IQCK: variants seen among roughly 807,000 people sequenced by gnomAD.
IQCK encodes IQ domain-containing protein K.
A neutral mutation model predicts 28.1 loss-of-function variants in IQCK; 29 were observed. The observed-to-expected ratio is 1.03, with a 90% confidence interval of 0.77 to 1.41. IQCK has a LOEUF of 1.41. Among genes scored for constraint, IQCK ranks in the 40% most tolerant of loss-of-function variants. IQCK has a pLI of 0.00. For synonymous variants in IQCK, 113 were observed against 115.1 expected (o/e 0.98, Z 0.12); for missense variants, 359 against 314.7 (o/e 1.14, Z -1.07).
downstream of IQCK, among the ~76,000 whole-genome samples, chr16:19,831,183 A>G (rs2056228780): frequency 6.6e-6 from 1 of 152,204 alleles, no homozygotes; most frequent in African/African-American, 2.4e-5. Flanking sequence ...ATCCTGGAGG[A>G]CAGATGCAGA....
chr16:19,796,363 G>GA (rs1291778410), intron 7 of IQCK, among the ~76,000 whole-genome samples: 6 of 97,864 alleles, frequency 6.1e-5, no homozygotes, highest in Admixed American at 9.1e-5. Flanking sequence ...TATTTGTAGT[G>GA]AACCATTCTT....
chr16:19,814,993 C>T (rs2055966380), intron 7 of IQCK, among the ~76,000 whole-genome samples: 1 of 152,034 alleles, frequency 6.6e-6, no homozygotes, highest in African/African-American at 2.4e-5. Flanking sequence ...CACTAAAATG[C>T]CTAGGCTGGT....
chr16:19,852,557 A>G (rs1192878852), intron 9 of IQCK, among the ~76,000 whole-genome samples: 1 of 151,142 alleles, frequency 6.6e-6, no homozygotes, highest in African/African-American at 2.4e-5. Flanking sequence ...CTCAGCATTT[A>G]GATTTGCTAT....
chr16:19,727,435 A>C (rs6497397), intron 1 of IQCK, among the ~76,000 whole-genome samples: 8,001 of 152,030 alleles, frequency 0.053, 672 homozygotes, highest in African/African-American at 0.18. Flanking sequence ...AAAATACAAA[A>C]AATTTGTCTG....
chr16:19,831,410 T>C (rs953801559), downstream of IQCK, among the ~76,000 whole-genome samples: 1 of 152,204 alleles, frequency 6.6e-6, no homozygotes, highest in African/African-American at 2.4e-5. Context: ...TCCCTTTAAC[T>C]GTCGCCGAGT....
intron 4 of IQCK, among the ~76,000 whole-genome samples, chr16:19,754,366 A>G (rs1027715613): frequency 6.6e-6 from 1 of 152,240 alleles, no homozygotes; most frequent in Non-Finnish European, 1.5e-5. Context: ...GGCTGAAAAT[A>G]AATTTTATGT....
chr16:19,809,692 C>A (rs1392700477), intron 7 of IQCK, among the ~76,000 whole-genome samples: 1 of 152,170 alleles, frequency 6.6e-6, no homozygotes, highest in Non-Finnish European at 1.5e-5. Context: ...GGGATAGGGA[C>A]CCAGGAAGAT....
chr16:19,799,262 A>AT (rs1013006515), intron 7 of IQCK, among the ~76,000 whole-genome samples: 1 of 87,400 alleles, frequency 1.1e-5, no homozygotes, highest in Admixed American at 1.0e-4. Flanking sequence ...ATATATATAT[A>AT]TTTTTTTTAT....
intron 2 of IQCK, among the ~76,000 whole-genome samples, chr16:19,730,749 CTATCTATCTTATCT>C (rs764371788): frequency 4.5e-4 from 55 of 123,472 alleles, no homozygotes; most frequent in Non-Finnish European, 6.5e-4. Flanking sequence ...GTCTGTCTAT[CTATCTATCTTATCT>C]TATCTATCTA....
At chr16:19,727,936 A>G (rs1361854604) in intron 1 of IQCK, among the ~76,000 whole-genome samples, 1 of 152,038 alleles carries the variant, frequency 6.6e-6, no homozygotes, top group East Asian at 1.9e-4. Context: ...CCTCGTGAAC[A>G]CACCTCACTT....
chr16:19,793,643 G>GTTTTTT lies in IQCK; in HGVS notation c.690+4746_690+4751dup, dbSNP rs1285541664. On this transcript the variant is annotated intron_variant, in intron 7 of 7. Transcript: ENST00000564186. ...CAATGCCTATCGAAATCTCAGTTGG[G>GTTTTTT]TTTTTTTTTTTTTTTTTTTTTTTTT... Among the ~76,000 whole-genome samples, 58 of 61,802 alleles carry GTTTTTT rather than the reference G, an allele frequency of 9.4e-4. 2 individuals are homozygous for GTTTTTT. Among genetic ancestry groups the GTTTTTT allele is most frequent in the Non-Finnish European group, 1.3e-3 (50 of 38,256 alleles). 40.5% of individuals were successfully genotyped at this position (61,802 alleles called of 152,430 possible).
intron 4 of IQCK, among the ~76,000 whole-genome samples, chr16:19,750,319 G>A (rs2054968818): frequency 1.3e-5 from 2 of 152,038 alleles, no homozygotes; most frequent in South Asian, 4.2e-4. Context: ...TAGAGACGGG[G>A]TTTCACCATG....
chr16:19,754,588 A>C (rs1184862484), intron 4 of IQCK, among the ~76,000 whole-genome samples: 1 of 152,000 alleles, frequency 6.6e-6, no homozygotes, highest in African/African-American at 2.4e-5. Context: ...CGACACAAAA[A>C]TTTGCTACTA....
chr16:19,749,947 T>A (rs1019563913), intron 4 of IQCK, among the ~76,000 whole-genome samples: 1 of 152,074 alleles, frequency 6.6e-6, no homozygotes, highest in African/African-American at 2.4e-5. Flanking sequence ...GCTTAATGAT[T>A]TAGAATAGAA....
chr16:19,823,934 AAAAATAAATAAAT>A (rs2056108698), intron 7 of IQCK, among the ~76,000 whole-genome samples: 2 of 115,956 alleles, frequency 1.7e-5, no homozygotes. Flanking sequence ...CTCCCTCTTA[AAAAATAAATAAAT>A]AAATAAATAA....
At chr16:19,776,767 A>T (rs1417313458) in intron 6 of IQCK, among the ~76,000 whole-genome samples, 2 of 152,160 alleles carry the variant, frequency 1.3e-5, no homozygotes, top group Non-Finnish European at 2.9e-5. Context: ...TTGAAGTGTG[A>T]TGAGGGTGTT....
At chr16:19,764,259 T>G (rs1019077568) in intron 6 of IQCK, 147 bp downstream of exon 6, 40 of 653,746 alleles carry the variant, frequency 6.1e-5, no homozygotes, top group Non-Finnish European at 1.0e-4. Context: ...CTAGTTATTC[T>G]TAGCCTAGGC....
At chr16:19,828,513 C>G (rs892920008), downstream of IQCK, among the ~76,000 whole-genome samples, 2 of 151,966 alleles carry the variant, frequency 1.3e-5, no homozygotes, top group Non-Finnish European at 2.9e-5. Context: ...GCTGGGATTA[C>G]AGGCATGAGC....
intron 7 of IQCK, among the ~76,000 whole-genome samples, chr16:19,820,568 G>A (rs1196569413): frequency 1.3e-5 from 2 of 151,128 alleles, no homozygotes; most frequent in South Asian, 2.1e-4. Flanking sequence ...AGAATCACTT[G>A]AACCCGGGAG....
Sources: gnomAD v4.1 joint callset for allele counts (sites outside exome capture counted in the v4.1 genomes callset) on GRCh38, gnomAD v4.1.1 for gene constraint, MANE v1.5 for transcripts, NCBI Gene and HGNC (gene_info 2026-07-23, HGNC 2026-07-21) for gene names.